ABCB5: variants seen among roughly 807,000 people sequenced by gnomAD.
ABCB5 encodes ATP binding cassette subfamily B member 5, also known as ATP-binding cassette sub-family B member 5.
In ABCB5, 155 loss-of-function variants were observed where a neutral mutation model predicts 144.2. The observed-to-expected ratio is 1.08, with a 90% CI of 0.94 to 1.23. The LOEUF is 1.23. Ranked by LOEUF, ABCB5 falls within the 50% of genes most tolerant of loss-of-function variation. The probability of loss-of-function intolerance (pLI) is 0.00; values close to 1 mark genes in which losing one functional copy is unlikely to be tolerated. For synonymous variants in ABCB5, 610 were observed against 528.6 expected (o/e 1.15, Z -2.11); for missense variants, 1,830 against 1,520.8 (o/e 1.20, Z -3.38).
In ABCB5 at chr7:20,723,203, T is replaced by A. The variant is rs200436126; in HGVS notation, c.2609T>A (p.Leu870His). The change falls in exon 21 of 28, where the codon CTT becomes CAT. Residue 870 changes from leucine (L) to histidine (H), a missense_variant. Physicochemically the swap from Leu to His is moderately conservative, Grantham distance 99. Coordinates refer to ENST00000404938, the MANE Select transcript of ABCB5 (RefSeq NM_001163941.2). ...TTTGCCAACAAAGATAAGCAAGAAC[T>A]TAAGCATGCTGGAAAGGTAAAATGA... ...TGFANKDKQELKHAGKIATEA... is the reference protein window; with the variant it reads ...TGFANKDKQEHKHAGKIATEA... 334 of 1,613,946 alleles carry A rather than the reference T, an allele frequency of 2.1e-4. No homozygotes were observed. The highest frequency in any genetic ancestry group is 2.7e-4 in the Non-Finnish European group (323 of 1,180,016).
At chr7:20,715,271 C>T (rs6962174) in intron 20 of ABCB5, among the ~76,000 whole-genome samples, 4,316 of 152,230 alleles carry the variant, frequency 0.028, 185 homozygotes, top group African/African-American at 0.094. Flanking sequence ...GTTTTGAACT[C>T]CTGACCTCAG....
In ABCB5 at chr7:20,648,043, G is replaced by A; in HGVS notation, c.1171G>A (p.Val391Ile). ...SIEGTVEFKN[V>I]SFNYPSRPSI... ...AGAAGGAACTGTGGAATTTAAAAAT[G>A]TTTCTTTCAATTATCCATCAAGACC... is the stretch of plus-strand genomic sequence containing the variant. Residue 391 changes from valine (V) to isoleucine (I), a missense_variant, in exon 11 of 28, where the codon GTT becomes ATT. By Grantham distance (29) the Val-to-Ile change is conservative. Coordinates refer to ENST00000404938, the MANE Select transcript of ABCB5 (RefSeq NM_001163941.2). The A allele has an allele frequency of 1.2e-6, 2 of 1,610,528 alleles. No homozygotes were observed. The highest frequency in any genetic ancestry group is 1.7e-6 in the Non-Finnish European group (2 of 1,177,410).
At chr7:20,624,073 A>T (rs538135114) in intron 2 of ABCB5, among the ~76,000 whole-genome samples, 2 of 152,174 alleles carry the variant, frequency 1.3e-5, no homozygotes, top group African/African-American at 2.4e-5. Context: ...TTTTGTTGTT[A>T]TTTTCCCAAA....
At chr7:20,640,481 G>A (rs188633776) in intron 5 of ABCB5, among the ~76,000 whole-genome samples, 4 of 152,252 alleles carry the variant, frequency 2.6e-5, no homozygotes, top group African/African-American at 9.6e-5. Flanking sequence ...GATAGGGCAC[G>A]TCACAGCCTT....
chr7:20,619,986 C>T (rs1783775254), intron 1 of ABCB5, among the ~76,000 whole-genome samples: 1 of 152,048 alleles, frequency 6.6e-6, no homozygotes, highest in East Asian at 1.9e-4. Context: ...GCTATGGGTG[C>T]CCTGCTTTAT....
Position 20,698,484 on chromosome 7 carries a change from A to T in ABCB5, c.2088A>T (p.Thr696=). ...KPEWPFVVLG[T]LASVLNGTVH... is the part of the protein sequence containing the mutation. ...AATGGCCTTTTGTGGTTCTGGGGAC[A>T]TTGGCTTCTGTTCTAAATGGAACTG... Residue 696 remains threonine, a synonymous_variant, in exon 17 of 28, where the codon ACA becomes ACT. Transcript: ENST00000404938. The T allele has an allele frequency of 1.2e-6, 2 of 1,606,574 alleles. No homozygotes were observed. The highest frequency in any genetic ancestry group is 1.7e-6 in the Non-Finnish European group (2 of 1,177,798).
Position 20,755,599 on chromosome 7 carries a change from T to C in ABCB5, c.3749T>C (p.Leu1250Ser). ...AGAAATCGAGACATATATTTTAAGT[T>C]AGTGAATGCACAGTCAGTGCAGTGA... The part of the protein sequence containing the change: ...LLRNRDIYFK[L>S]VNAQSVQ The change falls in exon 28 of 28, where the codon TTA (leucine) becomes TCA (serine). Residue 1250 changes from leucine to serine, a missense_variant. Physicochemically the swap from Leu to Ser is moderately radical, Grantham distance 145. Coordinates refer to ENST00000404938, the MANE Select transcript of ABCB5 (RefSeq NM_001163941.2). 2 of 1,614,162 alleles carry C rather than the reference T, an allele frequency of 1.2e-6. No individual in the cohort carries two copies. The highest frequency in any genetic ancestry group is 2.2e-5 in the South Asian group (2 of 91,072).
intron 26 of ABCB5, among the ~76,000 whole-genome samples, chr7:20,749,395 ATTTTTTTTT>A (rs34687757): frequency 1.2e-5 from 1 of 81,942 alleles, no homozygotes; most frequent in Non-Finnish European, 2.3e-5. Context: ...TGCCTGCCTA[ATTTTTTTTT>A]TTTTTTTTTT....
In ABCB5 at chr7:20,719,971, A is replaced by ACG. The variant is rs1271504029; in HGVS notation, c.2422-3044_2422-3043insGC. On this transcript the variant is annotated intron_variant, in intron 20 of 27. Transcript: ENST00000404938. ...CACACACACACACACACACACACAC[A>ACG]CATTCTCTAGTCTGACCACTGAATT... 5.7e-4 allele frequency among the ~76,000 whole-genome samples: 81 copies of ACG among 141,400 alleles called. 1 individual carries two copies. The highest frequency in any genetic ancestry group is 2.0e-3 in the African/African-American group (76 of 38,066). 92.8% of individuals were successfully genotyped at this position (141,400 alleles called of 152,430 possible). A position where few individuals can be genotyped will look rare whatever the true frequency, so the allele number is the denominator to read the frequency against.
chr7:20,685,316 A>G (rs1355854680), intron 15 of ABCB5, among the ~76,000 whole-genome samples: 3 of 152,192 alleles, frequency 2.0e-5, no homozygotes, highest in Non-Finnish European at 4.4e-5. Context: ...GTACCCAACT[A>G]AATACTACAA....
intron 1 of ABCB5, among the ~76,000 whole-genome samples, chr7:20,616,867 T>A (rs1332793357): frequency 6.6e-6 from 1 of 152,218 alleles, no homozygotes; most frequent in African/African-American, 2.4e-5. Context: ...CACAAATTGC[T>A]TTGACCTTGT....
chr7:20,668,990 C>T (rs1583412536), intron 14 of ABCB5, among the ~76,000 whole-genome samples: 3 of 129,140 alleles, frequency 2.3e-5, no homozygotes, highest in East Asian at 5.6e-4. Flanking sequence ...GGTCAGCCCC[C>T]CGCCCGGCCA....
At chr7:20,615,893 T>C (rs942916581) in intron 1 of ABCB5, 56 bp downstream of exon 1, 5 of 152,298 alleles carry the variant, frequency 3.3e-5, no homozygotes, top group Admixed American at 2.0e-4. Context: ...TTGTGAAGAA[T>C]ATAAAACACT....
intron 19 of ABCB5, among the ~76,000 whole-genome samples, chr7:20,700,352 G>A (rs556260380): frequency 6.6e-6 from 1 of 152,150 alleles, no homozygotes; most frequent in East Asian, 1.9e-4. Context: ...TTATAGAAAA[G>A]AATGTAGGAT....
chr7:20,621,685 C>T (rs17143186), intron 1 of ABCB5, among the ~76,000 whole-genome samples: 1,633 of 151,944 alleles, frequency 0.011, 19 homozygotes, highest in Admixed American at 0.033. Context: ...GAATGTGTCA[C>T]GAATATAATA....
intron 25 of ABCB5, among the ~76,000 whole-genome samples, 163 bp downstream of exon 25, chr7:20,743,237 C>T (rs1782618083): frequency 6.6e-6 from 1 of 152,158 alleles, no homozygotes; most frequent in Non-Finnish European, 1.5e-5. Flanking sequence ...GACAAGCAAA[C>T]CATCACAAAA....
chr7:20,640,093 T>G (rs1472630835), intron 5 of ABCB5, among the ~76,000 whole-genome samples: 1 of 152,188 alleles, frequency 6.6e-6, no homozygotes, highest in African/African-American at 2.4e-5. Context: ...TTGCAAACCT[T>G]TTCCCTACAG....
At chr7:20,740,509 A>G (rs1782528939) in intron 24 of ABCB5, among the ~76,000 whole-genome samples, 1 of 152,198 alleles carries the variant, frequency 6.6e-6, no homozygotes, top group Admixed American at 6.5e-5. Flanking sequence ...AATTCTCAAA[A>G]TAGAATGCTT....
intron 20 of ABCB5, among the ~76,000 whole-genome samples, chr7:20,719,812 T>C (rs1312165685): frequency 6.6e-6 from 1 of 152,088 alleles, no homozygotes; most frequent in Non-Finnish European, 1.5e-5. Context: ...GTATAACAAA[T>C]ATGGAAAAGG....
Sources: allele counts gnomAD v4.1 joint callset (sites outside exome capture counted in the v4.1 genomes callset), GRCh38; gene constraint gnomAD v4.1.1; transcripts MANE v1.5; gene names NCBI Gene and HGNC (gene_info 2026-07-23, HGNC 2026-07-21).